Variants in MOV10 observed in about 807,000 individuals in gnomAD.
The protein encoded by MOV10 is RNA helicase MOV-10.
A neutral mutation model predicts 108.4 loss-of-function variants in MOV10; 39 were observed. The observed-to-expected ratio is 0.36, with a 90% CI of 0.28 to 0.47. MOV10 has a LOEUF of 0.47. Ranked by LOEUF, MOV10 falls within the 20% of genes least tolerant of loss-of-function variation. MOV10 has a pLI of 1.00. For synonymous variants in MOV10, 490 were observed against 523.1 expected (o/e 0.94, Z 0.86); for missense variants, 952 against 1,297.6 (o/e 0.73, Z 4.09).
At chr1:112,687,410 A>G (rs1673160480) in intron 2 of MOV10, among the ~76,000 whole-genome samples, 1 of 152,202 alleles carries the variant, frequency 6.6e-6, no homozygotes, top group South Asian at 2.1e-4. Context: ...CTGAAGAGTT[A>G]AATAGGAATT....
chr1:112,678,784 AAC>A (rs1057514660), intron 2 of MOV10, among the ~76,000 whole-genome samples: 7 of 152,022 alleles, frequency 4.6e-5, no homozygotes, highest in Non-Finnish European at 1.0e-4. Context: ...GAAATAGGAA[AAC>A]ACAGAAAATT....
rs748146686 is a variant in MOV10, at chr1:112,695,455, G to A, written c.1660G>A (p.Ala554Thr). 2.6e-5 allele frequency: 42 copies of A among 1,614,050 alleles called. No individual in the cohort carries two copies. Among genetic ancestry groups the A allele is most frequent in the Middle Eastern group, 1.6e-4 (1 of 6,084 alleles). The part of the protein sequence containing the change: ...HLPKAHILAC[A>T]PSNSGADLLC... ...GCCCAAAGCCCACATCTTGGCCTGC[G>A]CTCCATCCAACTCAGGGGCTGACCT... Residue 554 changes from alanine to threonine, a missense_variant, in exon 11 of 21, where the codon GCT becomes ACT. Ala to Thr is a moderately conservative substitution (Grantham distance 58). This residue lies in a region of MOV10 where 453 missense variants were observed against 611.5 expected (regional missense o/e 0.74). Transcript: ENST00000369645.
chr1:112,675,031 A>G lies in MOV10; in HGVS notation c.119A>G (p.Asn40Ser). 1 of 1,589,564 alleles carries G rather than the reference A, an allele frequency of 6.3e-7. No individual in the cohort carries two copies. The highest frequency in any genetic ancestry group is 1.1e-5 in the South Asian group (1 of 88,830). ...TDRERLRTIYNRDFKISFGTP... is the reference protein window; with the variant it reads ...TDRERLRTIYSRDFKISFGTP... ...CGCGAGCGGCTGCGGACCATTTATAACCGCGACTTCAAGATCAGGTACGGG... is the reference window on the plus strand; with the variant it reads ...CGCGAGCGGCTGCGGACCATTTATAGCCGCGACTTCAAGATCAGGTACGGG... The change falls in exon 2 of 21, where the codon AAC becomes AGC. Residue 40 changes from asparagine (N) to serine (S), a missense_variant. By Grantham distance (46) the Asn-to-Ser change is conservative. This residue lies in a region of MOV10 where 374 missense variants were observed against 468.6 expected (regional missense o/e 0.80). Coordinates refer to ENST00000369645, the MANE Select transcript of MOV10 (RefSeq NM_001321324.2). This position sits in a 1 kb window ranked among gnomAD's most constrained non-coding sequence, Gnocchi z 4.7.
chr1:112,696,528 A>G lies in MOV10; in HGVS notation c.1975A>G (p.Ile659Val), dbSNP rs762441456. The change falls in exon 13 of 21, where the codon ATA becomes GTA. Residue 659 changes from isoleucine to valine, a missense_variant. Physicochemically the swap from Ile to Val is conservative, Grantham distance 29 (BLOSUM62 3). Around this residue, in one of 5 missense-constraint regions of MOV10, gnomAD observed 453 missense variants for 611.5 expected, o/e 0.74. Coordinates refer to ENST00000369645, the MANE Select transcript of MOV10 (RefSeq NM_001321324.2). ...CATGGAGCCTGAGAGTCTGGTAGCT[A>G]TAGCAGGTGAGGGACTCAGGTGGGG... ...HCMEPESLVA[I>V]AGLMEVKETG... is the part of the protein sequence containing the mutation. The G allele has an allele frequency of 2.5e-6, 4 of 1,613,628 alleles. No homozygotes were observed. Among genetic ancestry groups the G allele is most frequent in the African/African-American group, 1.3e-5 (1 of 75,024 alleles).
chr1:112,694,610 C>A lies in MOV10; in HGVS notation c.1453C>A (p.Pro485Thr). Residue 485 changes from proline to threonine, a missense_variant, in exon 9 of 21, where the codon CCC (proline) becomes ACC (threonine). This residue lies in a region of MOV10 where 453 missense variants were observed against 611.5 expected (regional missense o/e 0.74). Coordinates refer to ENST00000369645, the MANE Select transcript of MOV10 (RefSeq NM_001321324.2). This position sits in a 1 kb window ranked among gnomAD's most constrained non-coding sequence, Gnocchi z 4.1. The part of the protein sequence containing the change: ...PVAPRDVPLL[P>T]SDVKLKLYDR... ...GGCACCTCGGGACGTCCCGCTGCTG[C>A]CCTCAGATGTGAAACTCAAGTGAGA... The A allele has an allele frequency of 6.2e-7, 1 of 1,605,334 alleles. No homozygotes were observed. The highest frequency in any genetic ancestry group is 8.5e-7 in the Non-Finnish European group (1 of 1,175,160).
intron 5 of MOV10, among the ~76,000 whole-genome samples, chr1:112,690,640 G>A (rs959850303): frequency 6.6e-6 from 1 of 152,100 alleles, no homozygotes; most frequent in Non-Finnish European, 1.5e-5. Context: ...GATTACAGGG[G>A]CGAGCCACCG....
chr1:112,690,047 C>A lies in MOV10; in HGVS notation c.785C>A (p.Thr262Asn). ...ACTCCCTTCAAGCGGACCCGGATCA[C>A]CGGAAACCCTGTGGTGACCAATCGG... is the stretch of plus-strand genomic sequence containing the variant. ...PMTPFKRTRI[T>N]GNPVVTNRIE... The change falls in exon 5 of 21, where the codon ACC (threonine) becomes AAC (asparagine). Residue 262 changes from threonine to asparagine, a missense_variant. Transcript: ENST00000369645. The A allele has an allele frequency of 6.2e-7, 1 of 1,614,082 alleles. No individual in the cohort carries two copies.
chr1:112,681,205 T>C (rs999463511), intron 2 of MOV10, among the ~76,000 whole-genome samples: 3 of 151,942 alleles, frequency 2.0e-5, no homozygotes, highest in Non-Finnish European at 4.4e-5. Flanking sequence ...AAAAGAATCA[T>C]GTTTGGCCGG....
rs1332384831 is a variant in MOV10, at chr1:112,675,069, C to T, written c.137+20C>T. Reference sequence around the variant, plus strand: ...GATCAGGTACGGGCCGGCCCACTCCCGGCCCCGAATCGCGGGCCCAGCTTG... The same window carrying T: ...GATCAGGTACGGGCCGGCCCACTCCTGGCCCCGAATCGCGGGCCCAGCTTG... On this transcript the variant is annotated intron_variant, in intron 2 of 20. Coordinates refer to ENST00000369645, the MANE Select transcript of MOV10 (RefSeq NM_001321324.2). This position sits in a 1 kb window ranked among gnomAD's most constrained non-coding sequence, Gnocchi z 4.7. The T allele has an allele frequency of 4.4e-6, 7 of 1,575,456 alleles. No individual in the cohort carries two copies. The Admixed American group carries it at 7.5e-5, about 17-fold the overall frequency.
intron 17 of MOV10, 186 bp from the exon 18 acceptor site, chr1:112,699,499 A>G: frequency 1.4e-6 from 2 of 1,437,292 alleles, no homozygotes; most frequent in East Asian, 2.5e-5. Context: ...TTCAACCTTC[A>G]TGTTTCAGCT....
At position 112,675,449 on chromosome 1, in the gene MOV10, C is replaced by G. The variant is rs185712666; in HGVS notation, c.137+400C>G. Among the ~76,000 whole-genome samples, 2 of 152,226 alleles carry G rather than the reference C, an allele frequency of 1.3e-5. No homozygotes were observed. Among genetic ancestry groups the G allele is most frequent in the African/African-American group, 2.4e-5 (1 of 41,474 alleles). On this transcript the variant is annotated intron_variant, in intron 2 of 20. Transcript: ENST00000369645. The surrounding 1 kb of genome is among the most constrained non-coding windows in gnomAD (Gnocchi z 4.7). ...CGCGGGAGCGCGGGTTAGAGGCTGC[C>G]TGTTGGGGGCTGCGAGCCCGAGCGC... is the stretch of plus-strand genomic sequence containing the variant.
intron 11 of MOV10, 95 bp from the exon 12 acceptor site, chr1:112,696,053 A>T (rs1674050107): frequency 1.2e-6 from 1 of 850,978 alleles, no homozygotes; most frequent in East Asian, 2.7e-5. Context: ...TAAAAAAAAT[A>T]AAAATAATTG....
chr1:112,681,131 C>T (rs894936267), intron 2 of MOV10, among the ~76,000 whole-genome samples: 12 of 152,062 alleles, frequency 7.9e-5, no homozygotes, highest in South Asian at 2.1e-4. Flanking sequence ...TTCCACATTC[C>T]GCCCTGTACT....
intron 2 of MOV10, among the ~76,000 whole-genome samples, chr1:112,680,077 C>G (rs952441559): frequency 6.6e-6 from 1 of 152,068 alleles, no homozygotes; most frequent in East Asian, 1.9e-4. Context: ...AAAAAACACA[C>G]CATGATGCAT....
chr1:112,695,044 T>G, intron 10 of MOV10, 148 bp downstream of exon 10: 1 of 996,488 alleles, frequency 1.0e-6, no homozygotes, highest in Non-Finnish European at 1.5e-6. Context: ...GTGCAGTGGC[T>G]CATGCCTGTA....
chr1:112,695,290 TA>T, intron 10 of MOV10, 125 bp from the exon 11 acceptor site: 2 of 922,720 alleles, frequency 2.2e-6, no homozygotes. Flanking sequence ...GTTGTACGGG[TA>T]GGGCACTGCA....
rs1293386264 is a variant in MOV10, at chr1:112,696,731, A to C, written c.2083A>C (p.Lys695Gln). The change falls in exon 14 of 21, where the codon AAG becomes CAG. Residue 695 changes from lysine to glutamine, a missense_variant. Physicochemically the swap from Lys to Gln is moderately conservative, Grantham distance 53 (BLOSUM62 1). This residue lies in a region of MOV10 where 453 missense variants were observed against 611.5 expected (regional missense o/e 0.74). Coordinates refer to ENST00000369645, the MANE Select transcript of MOV10 (RefSeq NM_001321324.2). ...TGTGCTGCGTTCCCCACTGACCCAG[A>C]AGCATGGACTGGGATACTCACTGCT... ...GPVLRSPLTQ[K>Q]HGLGYSLLER... 1 of 1,606,736 alleles carries C rather than the reference A, an allele frequency of 6.2e-7. No individual in the cohort carries two copies. Among genetic ancestry groups the C allele is most frequent in the East Asian group, 2.2e-5 (1 of 44,710 alleles).
At position 112,698,394 on chromosome 1, in the gene MOV10, G is replaced by A; in HGVS notation, c.2424G>A (p.Lys808=). 1 of 1,614,242 alleles carries A rather than the reference G, an allele frequency of 6.2e-7. No homozygotes were observed. Among genetic ancestry groups the A allele is most frequent in the African/African-American group, 1.3e-5 (1 of 75,060 alleles). ...EEAATVTSYL[K]LLLAPSSKKG... is the part of the protein sequence containing the mutation. ...CTGCCACAGTGACTTCCTACCTGAA[G>A]CTGCTCCTGGCCCCCTCCTCCAAGA... Residue 808 remains lysine, a synonymous_variant, in exon 16 of 21, where the codon AAG becomes AAA. Transcript: ENST00000369645.
At chr1:112,683,019 A>G (rs1672789977) in intron 2 of MOV10, among the ~76,000 whole-genome samples, 1 of 150,842 alleles carries the variant, frequency 6.6e-6, no homozygotes, top group Non-Finnish European at 1.5e-5. Context: ...TCCCAGGTTC[A>G]AGCAATTCTC....
Sources: gnomAD v4.1 joint callset for allele counts (sites outside exome capture counted in the v4.1 genomes callset) on GRCh38, gnomAD v4.1.1 for gene constraint, gnomAD v4.1.1 regional missense constraint, Gnocchi (gnomAD v3.1) non-coding constraint, MANE v1.5 for transcripts, NCBI Gene and HGNC (gene_info 2026-07-23, HGNC 2026-07-21) for gene names.